Variants in MAP3K5 observed in about 807,000 individuals in gnomAD.
The protein encoded by MAP3K5 is ASK-1.
Under a neutral mutation model 158.7 loss-of-function variants are expected in MAP3K5, and 56 were observed. The observed-to-expected ratio is 0.35, with a 90% CI of 0.28 to 0.44. The LOEUF (loss-of-function observed/expected upper bound fraction) is 0.44, where lower values mean the gene tolerates loss of function less well. Among genes scored for constraint, MAP3K5 ranks in the 20% least tolerant of loss-of-function variants. The probability of loss-of-function intolerance (pLI) is 1.00; values close to 1 mark genes in which losing one functional copy is unlikely to be tolerated. For synonymous variants in MAP3K5, 579 were observed against 601.7 expected, an observed-to-expected ratio of 0.96 and a Z score of 0.55; for missense variants, 1,294 against 1,674.8, an observed-to-expected ratio of 0.77 and a Z score of 3.97.
chr6:136,660,525 T>C (rs1328179250), intron 8 of MAP3K5, among the ~76,000 whole-genome samples: 1 of 152,256 alleles, frequency 6.6e-6, no homozygotes, highest in African/African-American at 2.4e-5. Context: ...TTTGTTCTTT[T>C]TCAACACTGT....
intron 1 of MAP3K5, among the ~76,000 whole-genome samples, chr6:136,739,690 T>C (rs1453024326): frequency 6.6e-6 from 1 of 152,190 alleles, no homozygotes; most frequent in Non-Finnish European, 1.5e-5. Context: ...AGTCACTATT[T>C]TGGGGGGTCT....
At chr6:136,626,119 G>A (rs568272555) in intron 14 of MAP3K5, among the ~76,000 whole-genome samples, 50 of 152,308 alleles carry the variant, frequency 3.3e-4, no homozygotes, top group African/African-American at 7.0e-4. Context: ...GGGTACACAC[G>A]CATGACTCGA....
At chr6:136,629,184 C>T (rs559536373) in intron 14 of MAP3K5, 6 of 152,256 alleles carry the variant, frequency 3.9e-5, no homozygotes, top group South Asian at 2.1e-4. Flanking sequence ...GGCCAAACAA[C>T]GAAGTGGTGA....
At chr6:136,595,562 G>T (rs1775589319) in intron 21 of MAP3K5, among the ~76,000 whole-genome samples, 1 of 152,138 alleles carries the variant, frequency 6.6e-6, no homozygotes, top group Non-Finnish European at 1.5e-5. Flanking sequence ...GTGTGAAAAG[G>T]AAGAATCAAA....
At chr6:136,608,938 C>T (rs1485120576) in intron 18 of MAP3K5, among the ~76,000 whole-genome samples, 3 of 152,172 alleles carry the variant, frequency 2.0e-5, no homozygotes, top group Admixed American at 6.5e-5. Flanking sequence ...ACCAAGTTCA[C>T]GTTTGAAGCC....
At chr6:136,657,248 A>C (rs113724564) in intron 9 of MAP3K5, among the ~76,000 whole-genome samples, 72 of 152,318 alleles carry the variant, frequency 4.7e-4, no homozygotes, top group African/African-American at 1.7e-3. Context: ...CAAAAGAAAA[A>C]GTTAGGAAAA....
chr6:136,767,609 T>C (rs1345908623), intron 1 of MAP3K5, among the ~76,000 whole-genome samples: 1 of 151,086 alleles, frequency 6.6e-6, no homozygotes, highest in Non-Finnish European at 1.5e-5. Flanking sequence ...GAAAAAAAAA[T>C]GTCATGACAA....
In MAP3K5 at chr6:136,579,164, C is replaced by T. The variant is rs140146057; in HGVS notation, c.3517+1137G>A. Among the ~76,000 whole-genome samples the T allele has an allele frequency of 4.2e-3, 640 of 151,998 alleles. 13 individuals carry two copies. Among genetic ancestry groups the T allele is most frequent in the Middle Eastern group, 0.021 (6 of 292 alleles). Reference sequence around the variant, plus strand: ...AAATATATATAAATCTGTATCTATCCATGTAACAATTGGTCAACTGCTCTT... The same window carrying T: ...AAATATATATAAATCTGTATCTATCTATGTAACAATTGGTCAACTGCTCTT... On this transcript the variant is annotated intron_variant, in intron 25 of 29. Coordinates refer to ENST00000359015, the MANE Select transcript of MAP3K5 (RefSeq NM_005923.4).
At chr6:136,721,992 A>G (rs1479587749) in intron 1 of MAP3K5, among the ~76,000 whole-genome samples, 1 of 152,226 alleles carries the variant, frequency 6.6e-6, no homozygotes, top group Non-Finnish European at 1.5e-5. Context: ...AATCAGAAAT[A>G]AAGGCTGTCA....
At chr6:136,684,598 T>C (rs1236501977) in intron 7 of MAP3K5, among the ~76,000 whole-genome samples, 1 of 152,256 alleles carries the variant, frequency 6.6e-6, no homozygotes, top group Middle Eastern at 3.4e-3. Context: ...GATGGCTGTT[T>C]TTTAGGATGT....
intron 19 of MAP3K5, among the ~76,000 whole-genome samples, chr6:136,604,277 G>A (rs767879132): frequency 4.0e-5 from 6 of 151,158 alleles, no homozygotes; most frequent in South Asian, 4.2e-4. Context: ...AGCCGAGATC[G>A]CGCCACTGCA....
At position 136,639,528 on chromosome 6, in the gene MAP3K5, A is replaced by G; in HGVS notation, c.1934+15T>C. On this transcript the variant is annotated intron_variant, in intron 13 of 29. Coordinates refer to ENST00000359015, the MANE Select transcript of MAP3K5 (RefSeq NM_005923.4). ...GTAAGAAGAATCTTTTTCACACACA[A>G]TGACTAATACGTACTTTTTACAATG... The G allele has an allele frequency of 1.4e-6, 2 of 1,429,030 alleles. No individual in the cohort carries two copies. The highest frequency in any genetic ancestry group is 1.4e-5 in the African/African-American group (1 of 70,424). The allele number at this position is 1,429,030 out of a possible 1,614,324, so 88.5% of individuals were successfully genotyped here.
At chr6:136,590,709 T>G (rs2129080265) in intron 23 of MAP3K5, among the ~76,000 whole-genome samples, 1 of 152,028 alleles carries the variant, frequency 6.6e-6, no homozygotes, top group East Asian at 1.9e-4. Context: ...CCTGGCTAAT[T>G]TTTTGTATTT....
At chr6:136,722,860 A>T (rs986175946) in intron 1 of MAP3K5, among the ~76,000 whole-genome samples, 1 of 151,580 alleles carries the variant, frequency 6.6e-6, no homozygotes, top group African/African-American at 2.4e-5. Context: ...CTAATTTTTT[A>T]AAATTTTTTG....
At chr6:136,577,725 T>C (rs768614951) in intron 25 of MAP3K5, among the ~76,000 whole-genome samples, 25 of 152,198 alleles carry the variant, frequency 1.6e-4, no homozygotes, top group Non-Finnish European at 2.6e-4. Context: ...ATGGAAACAT[T>C]GCAAAGATAG....
chr6:136,760,546 AT>A (rs1783702464), intron 1 of MAP3K5, among the ~76,000 whole-genome samples: 1 of 152,212 alleles, frequency 6.6e-6, no homozygotes, highest in Non-Finnish European at 1.5e-5. Context: ...CTAAGGTCTC[AT>A]TTTTGTGTTC....
At chr6:136,699,290 G>T (rs1028376925) in intron 3 of MAP3K5, among the ~76,000 whole-genome samples, 1 of 151,914 alleles carries the variant, frequency 6.6e-6, no homozygotes, top group Non-Finnish European at 1.5e-5. Flanking sequence ...CCATCTTCTC[G>T]GCCAACACTT....
chr6:136,611,436 T>C, intron 17 of MAP3K5, 49 bp from the exon 18 acceptor site: 1 of 1,066,104 alleles, frequency 9.4e-7, no homozygotes. Context: ...CTTCAGATAC[T>C]GTCTGTTGTT....
intron 1 of MAP3K5, among the ~76,000 whole-genome samples, chr6:136,735,258 A>C (rs1782406015): frequency 6.6e-6 from 1 of 152,232 alleles, no homozygotes; most frequent in African/African-American, 2.4e-5. Context: ...AGAAAATTCT[A>C]CAGGAAAAAT....
Sources: gnomAD v4.1 joint callset for allele counts (sites outside exome capture counted in the v4.1 genomes callset) on GRCh38, gnomAD v4.1.1 for gene constraint, MANE v1.5 for transcripts, NCBI Gene and HGNC (gene_info 2026-07-23, HGNC 2026-07-21) for gene names.